The following TBL1XR1 variants were observed in gnomAD, a reference collection of about 807,000 sequenced individuals.
TBL1XR1 encodes the protein TBL1X/Y related 1, also known as F-box-like/WD repeat-containing protein TBL1XR1.
In TBL1XR1, 5 loss-of-function variants were observed where a neutral mutation model predicts 66.9. The ratio of observed to expected loss-of-function variants is 0.07; its 90% confidence interval spans 0.04 to 0.16. TBL1XR1 has a LOEUF of 0.16. TBL1XR1 is among the 10% of genes least tolerant of loss of function. TBL1XR1 has a pLI of 1.00. For missense variants in TBL1XR1, 238 were observed against 623.2 expected (o/e 0.38, Z 6.58); for synonymous variants, 210 against 206.0 (o/e 1.02, Z -0.17).
intron 1 of TBL1XR1, among the ~76,000 whole-genome samples, chr3:177,138,607 G>A (rs1305875034): frequency 4.7e-5 from 6 of 128,968 alleles, no homozygotes; most frequent in Admixed American, 4.5e-4. Context: ...AAAAAAAAGG[G>A]AGAGGGGGAA....
intron 2 of TBL1XR1, among the ~76,000 whole-genome samples, chr3:177,090,955 A>G (rs922733500): frequency 3.3e-5 from 5 of 152,108 alleles, no homozygotes; most frequent in East Asian, 1.9e-4. Flanking sequence ...GGCCACTGCA[A>G]TCCTACCTGG....
At position 177,130,212 on chromosome 3, in the gene TBL1XR1, C is replaced by T. The variant is rs559196142; in HGVS notation, c.-121-31671G>A. Among the ~76,000 whole-genome samples the T allele has an allele frequency of 7.9e-5, 12 of 151,546 alleles. No homozygotes were observed. In the East Asian group the frequency reaches 1.7e-3, roughly 22 times the overall value. On this transcript the variant is annotated intron_variant, in intron 1 of 15. Transcript: ENST00000457928. ...AATAAAAATGCACATATCCTTTGACCGTGAAATTCTACTGTGGGGAACTTA... is the reference window on the plus strand; with the variant it reads ...AATAAAAATGCACATATCCTTTGACTGTGAAATTCTACTGTGGGGAACTTA...
intron 1 of TBL1XR1, among the ~76,000 whole-genome samples, chr3:177,099,759 A>C (rs1220458791): frequency 6.6e-6 from 1 of 152,244 alleles, no homozygotes; most frequent in African/African-American, 2.4e-5. Context: ...TGTTTACCTC[A>C]AGGTCATTTG....
At chr3:177,069,435 A>T (rs998592173) in intron 2 of TBL1XR1, among the ~76,000 whole-genome samples, 1 of 151,752 alleles carries the variant, frequency 6.6e-6, no homozygotes. Flanking sequence ...ATAAAGACAT[A>T]AAAAAAACAG....
At position 177,159,646 on chromosome 3, in the gene TBL1XR1, G is replaced by A. The variant is rs1181959684; in HGVS notation, c.-122+37475C>T. On this transcript the variant is annotated intron_variant, in intron 1 of 15. Transcript: ENST00000457928. ...AAGATATGTCAGTGTGCAAAAATCA[G>A]GTAGGAAAAGAAAAAAGTCATCCAA... 2.0e-5 allele frequency among the ~76,000 whole-genome samples: 3 copies of A among 152,038 alleles called. No homozygotes were observed. In the East Asian group the frequency reaches 5.8e-4, roughly 29 times the overall value.
At chr3:177,153,596 A>C (rs746936048) in intron 1 of TBL1XR1, among the ~76,000 whole-genome samples, 3 of 152,228 alleles carry the variant, frequency 2.0e-5, no homozygotes, top group Non-Finnish European at 4.4e-5. Flanking sequence ...TGTAAAAAGT[A>C]TGCAATAAAG....
intron 10 of TBL1XR1, among the ~76,000 whole-genome samples, chr3:177,040,296 CAG>C (rs1715403308): frequency 6.6e-6 from 1 of 152,100 alleles, no homozygotes; most frequent in Admixed American, 6.6e-5. Context: ...GTCTGGGCAA[CAG>C]AGTAAGACTA....
At chr3:177,156,592 A>T (rs7617950) in intron 1 of TBL1XR1, among the ~76,000 whole-genome samples, 59,227 of 148,902 alleles carry the variant, frequency 0.4, 14,418 homozygotes, top group Non-Finnish European at 0.54. Flanking sequence ...TATATATATA[A>T]AATTCTGACA....
rs1577092328 is a variant in TBL1XR1, at chr3:177,076,847, T to TA, written c.-45-11826dup. ...ATTTAAGCATTCTTTTTTCCTGAAA[T>TA]AGAGTTATTCATCCCCATCCCAGCA... On this transcript the variant is annotated intron_variant, in intron 2 of 15. Transcript: ENST00000457928. Among the ~76,000 whole-genome samples, 4 of 152,368 alleles carry TA rather than the reference T, an allele frequency of 2.6e-5. No individual in the cohort carries two copies. In the South Asian group the frequency reaches 8.3e-4, roughly 32 times the overall value.
At chr3:177,130,906 TC>T (rs1245057529) in intron 1 of TBL1XR1, among the ~76,000 whole-genome samples, 6 of 152,154 alleles carry the variant, frequency 3.9e-5, no homozygotes, top group Non-Finnish European at 8.8e-5. Flanking sequence ...GCACCTATAG[TC>T]CCAGCTGCTT....
intron 1 of TBL1XR1, chr3:177,163,937 C>T (rs1169944465): frequency 1.3e-5 from 2 of 152,174 alleles, no homozygotes; most frequent in Non-Finnish European, 1.5e-5. Context: ...AAACTCAGTA[C>T]TTCTGCCCAA....
intron 1 of TBL1XR1, among the ~76,000 whole-genome samples, chr3:177,119,093 T>G (rs1300057249): frequency 1.3e-5 from 2 of 152,154 alleles, no homozygotes; most frequent in South Asian, 2.1e-4. Context: ...TGCCTCAGCA[T>G]CACGGGTAGC....
rs1484569545 is a variant in TBL1XR1, at chr3:177,197,171, CAAGG to C, written c.-176_-173del. 1.9e-5 allele frequency: 3 copies of C among 154,102 alleles called. No individual in the cohort carries two copies. Among genetic ancestry groups the C allele is most frequent in the Non-Finnish European group, 4.3e-5 (3 of 69,258 alleles). 9.5% of individuals were successfully genotyped at this position (154,102 alleles called of 1,614,324 possible). A position where few individuals can be genotyped will look rare whatever the true frequency, so the allele number is the denominator to read the frequency against. ...CTCCCCCCTCCCGGGAATGGAGGCACAAGGAAATTCCCCTCCTCGCCGCCGCCGC... is the reference window on the plus strand; with the variant it reads ...CTCCCCCCTCCCGGGAATGGAGGCACAAATTCCCCTCCTCGCCGCCGCCGC... On this transcript the variant is annotated 5_prime_UTR_variant, in exon 1 of 16. Coordinates refer to ENST00000457928, the MANE Select transcript of TBL1XR1 (RefSeq NM_024665.7).
At position 177,026,454 on chromosome 3, in the gene TBL1XR1, G is replaced by A. The variant is rs775209675; in HGVS notation, c.1437C>T (p.Ser479=). 15 of 1,608,012 alleles carry A rather than the reference G, an allele frequency of 9.3e-6. No individual in the cohort carries two copies. Among genetic ancestry groups the A allele is most frequent in the Non-Finnish European group, 1.2e-5 (14 of 1,178,246 alleles). The stretch of plus-strand genomic sequence containing the variant: ...CAAATATTCCACCTGTTCCCCTATA[G>A]CTGTGAACTAGAGCACCTGTCTAAA... ...WNTQTGALVH[S]YRGTGGIFEV... The change falls in exon 15 of 16, where the codon AGC becomes AGT. Residue 479 remains serine, a synonymous_variant. Coordinates refer to ENST00000457928, the MANE Select transcript of TBL1XR1 (RefSeq NM_024665.7).
chr3:177,105,706 C>T (rs1724796286), intron 1 of TBL1XR1, among the ~76,000 whole-genome samples: 1 of 152,086 alleles, frequency 6.6e-6, no homozygotes, highest in African/African-American at 2.4e-5. Context: ...CGTGGTGAGC[C>T]CCTCACTCAG....
intron 2 of TBL1XR1, among the ~76,000 whole-genome samples, chr3:177,084,240 TAGAA>T (rs1454598005): frequency 2.6e-5 from 4 of 152,204 alleles, no homozygotes; most frequent in Non-Finnish European, 5.9e-5. Context: ...GCCAATGCCT[TAGAA>T]AGCTGCCATA....
At chr3:177,136,711 A>G (rs897466854) in intron 1 of TBL1XR1, among the ~76,000 whole-genome samples, 1 of 152,260 alleles carries the variant, frequency 6.6e-6, no homozygotes, top group Non-Finnish European at 1.5e-5. Context: ...CATTTGGGGC[A>G]TAAGTACCAT....
intron 1 of TBL1XR1, among the ~76,000 whole-genome samples, chr3:177,147,328 G>A (rs1730371675): frequency 1.3e-5 from 2 of 152,040 alleles, no homozygotes; most frequent in African/African-American, 2.4e-5. Context: ...GGATTACAGG[G>A]ATGAGCCACG....
chr3:177,030,077 G>T (rs1030970200), intron 14 of TBL1XR1, among the ~76,000 whole-genome samples: 1 of 151,844 alleles, frequency 6.6e-6, no homozygotes, highest in African/African-American at 2.4e-5. Flanking sequence ...TCCACTTACA[G>T]GATATGCTAT....
Sources: allele counts gnomAD v4.1 joint callset (sites outside exome capture counted in the v4.1 genomes callset), GRCh38; gene constraint gnomAD v4.1.1; transcripts MANE v1.5; gene names NCBI Gene and HGNC (gene_info 2026-07-23, HGNC 2026-07-21).